TAB2: variants seen among roughly 807,000 people sequenced by gnomAD.
TAB2 encodes TGF-beta activated kinase 1 (MAP3K7) binding protein 2.
A neutral mutation model predicts 65.0 loss-of-function variants in TAB2; 3 were observed. The observed-to-expected ratio is 0.05, with a 90% CI of 0.02 to 0.12. The LOEUF is 0.12. Ranked by LOEUF, TAB2 falls within the 10% of genes least tolerant of loss-of-function variation. The pLI is 1.00. For synonymous variants in TAB2, 298 were observed against 285.1 expected (o/e 1.05, Z -0.46); for missense variants, 623 against 840.3 (o/e 0.74, Z 3.20).
At chr6:149,389,540 G>A (rs369270949) in intron 3 of TAB2, among the ~76,000 whole-genome samples, 1 of 151,532 alleles carries the variant, frequency 6.6e-6, no homozygotes, top group African/African-American at 2.4e-5. Flanking sequence ...AGCTACTGGG[G>A]AGGCTGAGGC....
chr6:149,247,002 T>A (rs62428470), intron 1 of TAB2: 1 of 152,620 alleles, frequency 6.6e-6, no homozygotes. Context: ...CAGTTCCTTA[T>A]CCCCAACCTT....
chr6:149,248,338 G>A (rs920016687), intron 1 of TAB2, among the ~76,000 whole-genome samples: 1 of 151,976 alleles, frequency 6.6e-6, no homozygotes. Flanking sequence ...GTTGCAGTGA[G>A]CTGAGATTGT....
chr6:149,284,891 T>C (rs901837571), intron 1 of TAB2, among the ~76,000 whole-genome samples: 4 of 152,144 alleles, frequency 2.6e-5, no homozygotes, highest in Non-Finnish European at 5.9e-5. Flanking sequence ...CCCTTTGGTG[T>C]GATTTTGCCA....
At chr6:149,399,587 C>A (rs1373073979) in intron 6 of TAB2, among the ~76,000 whole-genome samples, 1 of 150,540 alleles carries the variant, frequency 6.6e-6, no homozygotes, top group Non-Finnish European at 1.5e-5. Flanking sequence ...AATCAAAATA[C>A]CCTAAATTCC....
chr6:149,323,444 T>C (rs750885458), intron 1 of TAB2, among the ~76,000 whole-genome samples: 12 of 152,308 alleles, frequency 7.9e-5, no homozygotes, highest in Non-Finnish European at 1.6e-4. Context: ...CTTATCTTTT[T>C]AAGATAATTT....
intron 3 of TAB2, among the ~76,000 whole-genome samples, chr6:149,394,556 G>A (rs987831850): frequency 2.6e-5 from 4 of 152,092 alleles, no homozygotes; most frequent in African/African-American, 7.2e-5. Flanking sequence ...AATGGTATTT[G>A]CACCCAGAAA....
chr6:149,242,322 T>C (rs752328036), intron 1 of TAB2, among the ~76,000 whole-genome samples: 1 of 152,152 alleles, frequency 6.6e-6, no homozygotes, highest in African/African-American at 2.4e-5. Context: ...TTGAAATAAC[T>C]CAAATAATCA....
chr6:149,242,764 T>A (rs775150741), intron 1 of TAB2, among the ~76,000 whole-genome samples: 12 of 152,136 alleles, frequency 7.9e-5, no homozygotes, highest in Non-Finnish European at 1.5e-5. Flanking sequence ...TGGCCGCCCG[T>A]CTCTTCTCTA....
chr6:149,289,265 T>A (rs533865592), intron 1 of TAB2, among the ~76,000 whole-genome samples: 1 of 152,184 alleles, frequency 6.6e-6, no homozygotes, highest in Admixed American at 6.5e-5. Flanking sequence ...CAGTGGCTCA[T>A]GCCTGTAATC....
chr6:149,236,722 G>A (rs7750814), intron 1 of TAB2, among the ~76,000 whole-genome samples: 33,326 of 152,070 alleles, frequency 0.22, 3,833 homozygotes, highest in East Asian at 0.28. Context: ...GGAGTTATCT[G>A]GCAATGCTGC....
intron 1 of TAB2, among the ~76,000 whole-genome samples, chr6:149,287,790 G>A (rs984249811): frequency 1.2e-4 from 18 of 152,320 alleles, no homozygotes; most frequent in African/African-American, 4.3e-4. Context: ...GCAGGTTAGT[G>A]CTGAACATTT....
chr6:149,254,014 G>GAA (rs1162499999), intron 1 of TAB2, among the ~76,000 whole-genome samples: 5 of 135,642 alleles, frequency 3.7e-5, no homozygotes, highest in African/African-American at 1.1e-4. Context: ...AAGAAAGAAA[G>GAA]AAAGAAAGAA....
chr6:149,288,854 A>ATTTT (rs71007938), intron 1 of TAB2, among the ~76,000 whole-genome samples: 3 of 115,370 alleles, frequency 2.6e-5, no homozygotes, highest in African/African-American at 7.1e-5. Context: ...TTAATTTTTA[A>ATTTT]TTTTTTTTTT....
chr6:149,302,302 C>G lies in TAB2; in HGVS notation c.-120-75716C>G, dbSNP rs570956261. ...AACAGTGGGTAATTCTAGACTTAGA[C>G]TTACTTATAAATTTTATCTTCTTTC... On this transcript the variant is annotated intron_variant, in intron 1 of 1. Coordinates refer to the TAB2 transcript ENST00000606202. Among the ~76,000 whole-genome samples, 88 of 152,238 alleles carry G rather than the reference C, an allele frequency of 5.8e-4. No homozygotes were observed. In the Middle Eastern group the frequency reaches 0.017, roughly 29 times the overall value.
chr6:149,390,141 T>C (rs146140611), intron 3 of TAB2, among the ~76,000 whole-genome samples: 279 of 152,334 alleles, frequency 1.8e-3, no homozygotes, highest in Middle Eastern at 0.01. Flanking sequence ...TACAGTGATA[T>C]ATAAAACAGA....
At chr6:149,345,449 C>T (rs1583107353) in intron 1 of TAB2, among the ~76,000 whole-genome samples, 1 of 152,022 alleles carries the variant, frequency 6.6e-6, no homozygotes, top group East Asian at 1.9e-4. Flanking sequence ...ATACAGGTAC[C>T]TTCAAATAAC....
intron 6 of TAB2, among the ~76,000 whole-genome samples, chr6:149,406,807 C>A (rs1193426272): frequency 6.6e-6 from 1 of 152,158 alleles, no homozygotes; most frequent in Non-Finnish European, 1.5e-5. Context: ...CAACCTCTGC[C>A]TCCCAGGTTC....
At position 149,318,356 on chromosome 6, in the gene TAB2, C is replaced by T. The variant is rs550329930; in HGVS notation, c.-90+341C>T. The stretch of plus-strand genomic sequence containing the variant: ...AGGGCGCAAGGGGCTCGGGAGGGCC[C>T]CTCCCTGCGTCGGCGCCCCTGACCC... On this transcript the variant is annotated intron_variant, in intron 1 of 6. Transcript: ENST00000637181. 4.1e-4 allele frequency among the ~76,000 whole-genome samples: 63 copies of T among 152,104 alleles called. 2 individuals are homozygous for T. In the South Asian group the frequency reaches 0.011, roughly 28 times the overall value.
intron 2 of TAB2, among the ~76,000 whole-genome samples, chr6:149,376,886 T>TC (rs58277096): frequency 0.22 from 30,770 of 142,620 alleles, 3,204 homozygotes; most frequent in Non-Finnish European, 0.24. Context: ...AATCTGAGGT[T>TC]CCCCCCCCCC....
Sources: allele counts gnomAD v4.1 joint callset (sites outside exome capture counted in the v4.1 genomes callset), GRCh38; gene constraint gnomAD v4.1.1; transcripts MANE v1.5; gene names NCBI Gene and HGNC (gene_info 2026-07-23, HGNC 2026-07-21).